The following ZNF277 variants were observed in gnomAD, a reference collection of about 807,000 sequenced individuals.
ZNF277 encodes nuclear receptor-interacting factor 4.
Under a neutral mutation model 60.7 loss-of-function variants are expected in ZNF277, and 55 were observed. That is an observed-to-expected ratio of 0.91 (90% CI 0.73 to 1.13). The LOEUF (loss-of-function observed/expected upper bound fraction) is 1.13, where lower values mean the gene tolerates loss of function less well. ZNF277 is among the 50% of genes most tolerant of loss of function. The probability of loss-of-function intolerance (pLI) is 0.00; values close to 1 mark genes in which losing one functional copy is unlikely to be tolerated. For synonymous variants in ZNF277, 178 were observed against 179.3 expected (o/e 0.99, Z 0.06); for missense variants, 510 against 523.0 (o/e 0.98, Z 0.24).
At chr7:112,336,410 T>C (rs570573145) in intron 8 of ZNF277, among the ~76,000 whole-genome samples, 7 of 152,346 alleles carry the variant, frequency 4.6e-5, no homozygotes, top group African/African-American at 7.2e-5. Context: ...ACAAGTAATA[T>C]ATAATTCAGA....
At chr7:112,239,941 G>T (rs1189962414) in intron 1 of ZNF277, among the ~76,000 whole-genome samples, 1 of 152,146 alleles carries the variant, frequency 6.6e-6, no homozygotes, top group Non-Finnish European at 1.5e-5. Context: ...GTTTAAAAAT[G>T]GGAAGAGTTT....
intron 1 of ZNF277, among the ~76,000 whole-genome samples, chr7:112,238,601 C>G (rs6978543): frequency 0.17 from 25,926 of 151,892 alleles, 2,493 homozygotes; most frequent in Admixed American, 0.27. Flanking sequence ...TCGCGTCACC[C>G]CACCCCAACC....
At chr7:112,242,537 A>G (rs1790983180) in intron 1 of ZNF277, among the ~76,000 whole-genome samples, 1 of 147,958 alleles carries the variant, frequency 6.8e-6, no homozygotes, top group Non-Finnish European at 1.5e-5. Flanking sequence ...CAAGAAGTCA[A>G]TCCCATTTAT....
At chr7:112,313,392 AC>A (rs909723626) in intron 4 of ZNF277, among the ~76,000 whole-genome samples, 1 of 150,736 alleles carries the variant, frequency 6.6e-6, no homozygotes, top group Non-Finnish European at 1.5e-5. Context: ...CGATCGTCCC[AC>A]CTCAGTCAGC....
intron 1 of ZNF277, among the ~76,000 whole-genome samples, chr7:112,224,459 C>T (rs1822122782): frequency 6.6e-6 from 1 of 152,124 alleles, no homozygotes; most frequent in South Asian, 2.1e-4. Flanking sequence ...ATTCCTAATA[C>T]AACATGGAAA....
chr7:112,276,658 AAATT>A (rs1791800790), intron 1 of ZNF277, among the ~76,000 whole-genome samples: 2 of 152,334 alleles, frequency 1.3e-5, no homozygotes, highest in East Asian at 1.9e-4. Flanking sequence ...AAATTATAGA[AAATT>A]AATTATAGCA....
intron 1 of ZNF277, among the ~76,000 whole-genome samples, chr7:112,247,002 A>G (rs1791100965): frequency 6.6e-6 from 1 of 152,176 alleles, no homozygotes; most frequent in Non-Finnish European, 1.5e-5. Flanking sequence ...TGCTCTTGCC[A>G]CAAGTACCTA....
At chr7:112,240,863 T>G (rs1406900014) in intron 1 of ZNF277, among the ~76,000 whole-genome samples, 1 of 152,138 alleles carries the variant, frequency 6.6e-6, no homozygotes, top group South Asian at 2.1e-4. Context: ...TCAAAATGGA[T>G]TAAAGACTTA....
rs143771951 is a variant in ZNF277, at chr7:112,258,628, T to G, written c.92-28245T>G. On this transcript the variant is annotated intron_variant, in intron 1 of 11. Coordinates refer to ENST00000361822, the MANE Select transcript of ZNF277 (RefSeq NM_021994.3). ...ATGTTTTAATCATTTTTCCTATGTG[T>G]TGATGTTAATTTTAAGTAATTAAAA... Among the ~76,000 whole-genome samples the G allele has an allele frequency of 3.4e-3, 515 of 152,274 alleles. 2 individuals are homozygous for G. The highest frequency in any genetic ancestry group is 0.012 in the African/African-American group (483 of 41,564).
At chr7:112,340,650 G>C (rs562793925) in intron 10 of ZNF277, among the ~76,000 whole-genome samples, 1 of 152,262 alleles carries the variant, frequency 6.6e-6, no homozygotes, top group South Asian at 2.1e-4. Flanking sequence ...GTTTTATGAA[G>C]ATTAAATGTA....
intron 5 of ZNF277, among the ~76,000 whole-genome samples, chr7:112,319,190 C>G (rs1421633292): frequency 6.6e-6 from 1 of 151,998 alleles, no homozygotes; most frequent in Non-Finnish European, 1.5e-5. Context: ...TCAGCAGCCC[C>G]CTCCCCTCTC....
At chr7:112,229,107 T>C (rs1290768496) in intron 1 of ZNF277, among the ~76,000 whole-genome samples, 1 of 152,216 alleles carries the variant, frequency 6.6e-6, no homozygotes, top group Non-Finnish European at 1.5e-5. Flanking sequence ...ATTAGGGAAA[T>C]GTTTTAAAAG....
rs1389306599 is a variant in ZNF277, at chr7:112,282,289, G to A, written c.92-4584G>A. 2.0e-5 allele frequency among the ~76,000 whole-genome samples: 3 copies of A among 152,254 alleles called. No homozygotes were observed. In the East Asian group the frequency reaches 5.8e-4, roughly 29 times the overall value. ...CAAGCCCACAGGAGAACCTGGAGAA[G>A]GGCCTGGAAGACAGAATAGTACAAA... is the stretch of plus-strand genomic sequence containing the variant. On this transcript the variant is annotated intron_variant, in intron 1 of 11. Transcript: ENST00000361822.
intron 7 of ZNF277, 128 bp from the exon 8 acceptor site, chr7:112,335,976 T>G: frequency 1.6e-6 from 1 of 639,586 alleles, no homozygotes; most frequent in Admixed American, 3.3e-5. Flanking sequence ...CTACTTGTAC[T>G]GTTTCAAAAC....
At chr7:112,270,994 C>A (rs2117038183) in intron 1 of ZNF277, among the ~76,000 whole-genome samples, 1 of 152,166 alleles carries the variant, frequency 6.6e-6, no homozygotes, top group South Asian at 2.1e-4. Flanking sequence ...TCAAAGCTCC[C>A]AAGTTGATTC....
At chr7:112,217,520 C>T (rs906023799) in intron 1 of ZNF277, among the ~76,000 whole-genome samples, 13 of 152,168 alleles carry the variant, frequency 8.5e-5, no homozygotes, top group African/African-American at 2.7e-4. Flanking sequence ...TAGTGAGAGA[C>T]GTCTGACCTA....
chr7:112,252,796 A>G (rs1791227908), intron 1 of ZNF277, among the ~76,000 whole-genome samples: 1 of 152,240 alleles, frequency 6.6e-6, no homozygotes, highest in Admixed American at 6.5e-5. Context: ...CATGAGATCC[A>G]GTAAAAGAAA....
chr7:112,301,189 G>A (rs540933661), intron 4 of ZNF277, among the ~76,000 whole-genome samples: 6 of 151,874 alleles, frequency 4.0e-5, no homozygotes, highest in South Asian at 2.1e-4. Context: ...CTTTCGTAGC[G>A]ATGGGGTCTC....
intron 5 of ZNF277, among the ~76,000 whole-genome samples, chr7:112,322,721 CA>C (rs779998444): frequency 6.6e-6 from 1 of 152,086 alleles, no homozygotes; most frequent in Non-Finnish European, 1.5e-5. Context: ...TGGACTTTCT[CA>C]GGGGTGATTT....
Sources: allele counts gnomAD v4.1 joint callset (sites outside exome capture counted in the v4.1 genomes callset), GRCh38; gene constraint gnomAD v4.1.1; transcripts MANE v1.5; gene names NCBI Gene and HGNC (gene_info 2026-07-23, HGNC 2026-07-21).